GNB4: variants seen among roughly 807,000 people sequenced by gnomAD.
The protein encoded by GNB4 is G protein subunit beta 4.
Under a neutral mutation model 45.2 loss-of-function variants are expected in GNB4, and 28 were observed. That is an observed-to-expected ratio of 0.62 (90% CI 0.46 to 0.85). The LOEUF (loss-of-function observed/expected upper bound fraction) is 0.85. Ranked by LOEUF, GNB4 falls within the 40% of genes least tolerant of loss-of-function variation. The pLI is 0.00. For synonymous variants in GNB4, 132 were observed against 143.7 expected (o/e 0.92, Z 0.58); for missense variants, 321 against 425.4 (o/e 0.75, Z 2.16).
chr3:179,426,630 C>T (rs1263385012), intron 1 of GNB4, among the ~76,000 whole-genome samples: 2 of 152,102 alleles, frequency 1.3e-5, no homozygotes, highest in Non-Finnish European at 2.9e-5. Context: ...CCCAAGCCTT[C>T]CCCATCTCAG....
chr3:179,472,028 A>G, the GNB4 span, among the ~76,000 whole-genome samples: 2 of 152,180 alleles, frequency 1.3e-5, no homozygotes, highest in East Asian at 3.8e-4. Context: ...TAATTAAATT[A>G]TGATATAGCC....
the GNB4 span, among the ~76,000 whole-genome samples, chr3:179,485,095 C>G: frequency 1.3e-5 from 2 of 148,892 alleles, no homozygotes; most frequent in Non-Finnish European, 3.0e-5. Flanking sequence ...ACTGCAAGCT[C>G]CGCCTCCCAG....
intron 1 of GNB4, among the ~76,000 whole-genome samples, chr3:179,443,956 G>A (rs11715227): frequency 0.19 from 29,293 of 152,014 alleles, 3,443 homozygotes; most frequent in East Asian, 0.36. Flanking sequence ...ATTTAGTTTT[G>A]TTCTACTGCT....
chr3:179,460,359 A>G, the GNB4 span, among the ~76,000 whole-genome samples: 1 of 152,244 alleles, frequency 6.6e-6, no homozygotes, highest in East Asian at 1.9e-4. Context: ...GATTTCAACT[A>G]ACATTTACAT....
At chr3:179,409,904 T>A (rs1037117100) in intron 8 of GNB4, among the ~76,000 whole-genome samples, 4 of 151,268 alleles carry the variant, frequency 2.6e-5, no homozygotes, top group African/African-American at 9.7e-5. Context: ...CCCACCCAAA[T>A]CTCATCTTGC....
chr3:179,459,395 C>A, the GNB4 span, among the ~76,000 whole-genome samples: 2 of 152,206 alleles, frequency 1.3e-5, no homozygotes, highest in East Asian at 3.9e-4. Context: ...TAGAAGCCTA[C>A]CTTCCGGCCG....
chr3:179,405,456 T>C, intron 8 of GNB4, 50 bp from the exon 9 acceptor site: 1 of 1,273,718 alleles, frequency 7.9e-7, no homozygotes. Flanking sequence ...TGCACAATCA[T>C]AGGAGGCAAT....
rs1427880457 is a variant in GNB4, at chr3:179,407,808, TG to T, written c.700-2403del. Among the ~76,000 whole-genome samples the T allele has an allele frequency of 3.9e-5, 6 of 152,254 alleles. No homozygotes were observed. The East Asian group carries it at 1.2e-3, about 29-fold the overall frequency. On this transcript the variant is annotated intron_variant, in intron 8 of 9. Coordinates refer to ENST00000232564, the MANE Select transcript of GNB4 (RefSeq NM_021629.4). ...CAAAAAGATTACAGGAAACAAACCC[TG>T]GTGTGTACATAGGACAAAAATAATG...
intron 1 of GNB4, among the ~76,000 whole-genome samples, chr3:179,441,400 T>C (rs367785027): frequency 3.9e-5 from 6 of 152,116 alleles, no homozygotes; most frequent in African/African-American, 1.4e-4. Flanking sequence ...ATGGTAAATA[T>C]TTGTGTATCT....
the GNB4 span, among the ~76,000 whole-genome samples, chr3:179,458,422 G>A: frequency 6.6e-6 from 1 of 152,318 alleles, no homozygotes; most frequent in Non-Finnish European, 1.5e-5. Context: ...CACAGTATTG[G>A]CAGGGTAATG....
chr3:179,425,722 C>T (rs1192773894), intron 2 of GNB4, among the ~76,000 whole-genome samples: 1 of 152,222 alleles, frequency 6.6e-6, no homozygotes, highest in African/African-American at 2.4e-5. Context: ...CCACCTGCCT[C>T]AGCCTCCCAA....
At chr3:179,474,689 C>T in the GNB4 span, among the ~76,000 whole-genome samples, 1 of 143,810 alleles carries the variant, frequency 7.0e-6, no homozygotes, top group Non-Finnish European at 1.5e-5. Flanking sequence ...TTGCCCACAG[C>T]TGTCTTAGTC....
chr3:179,491,822 C>T, the GNB4 span, among the ~76,000 whole-genome samples: 1 of 152,184 alleles, frequency 6.6e-6, no homozygotes, highest in East Asian at 1.9e-4. Context: ...CCATTCCTAA[C>T]TTTAAGAGAA....
chr3:179,434,927 A>C (rs1361484621), intron 1 of GNB4, among the ~76,000 whole-genome samples: 1 of 152,098 alleles, frequency 6.6e-6, no homozygotes, highest in African/African-American at 2.4e-5. Flanking sequence ...AAAATAAATA[A>C]ATAAAATAAG....
At chr3:179,429,084 C>A (rs1715229927) in intron 1 of GNB4, among the ~76,000 whole-genome samples, 1 of 152,244 alleles carries the variant, frequency 6.6e-6, no homozygotes, top group Non-Finnish European at 1.5e-5. Context: ...GCCCTTCCTG[C>A]ACATTCTGGC....
chr3:179,396,912 T>C lies in GNB4; in HGVS notation c.*4301A>G, dbSNP rs1257997853. On this transcript the variant is annotated 3_prime_UTR_variant, in exon 10 of 10. Coordinates refer to ENST00000232564, the MANE Select transcript of GNB4 (RefSeq NM_021629.4). ...TAGTAAATCTGAAATGTACTTCACA[T>C]TCTACTTAATCTAATTTAAAATATA... The C allele has an allele frequency of 6.6e-6, 1 of 152,186 alleles. No homozygotes were observed. Among genetic ancestry groups the C allele is most frequent in the Admixed American group, 6.5e-5 (1 of 15,268 alleles). The allele number at this position is 152,186 out of a possible 1,614,324, so 9.4% of individuals were successfully genotyped here.
At chr3:179,487,316 ATCT>A in the GNB4 span, among the ~76,000 whole-genome samples, 2 of 152,208 alleles carry the variant, frequency 1.3e-5, no homozygotes, top group Non-Finnish European at 1.5e-5. Flanking sequence ...TGTTAGAGAA[ATCT>A]TCTTCAAGTG....
intron 1 of GNB4, among the ~76,000 whole-genome samples, chr3:179,435,881 C>A (rs1715433560): frequency 6.6e-6 from 1 of 152,196 alleles, no homozygotes; most frequent in Non-Finnish European, 1.5e-5. Context: ...AATACACTTG[C>A]ATAATTCGAA....
the GNB4 span, among the ~76,000 whole-genome samples, chr3:179,492,897 G>C: frequency 6.6e-6 from 1 of 152,094 alleles, no homozygotes; most frequent in Non-Finnish European, 1.5e-5. Context: ...CCACAGCTGG[G>C]GCTACTGTCA....
Sources: allele counts gnomAD v4.1 joint callset (sites outside exome capture counted in the v4.1 genomes callset), GRCh38; gene constraint gnomAD v4.1.1; transcripts MANE v1.5; gene names NCBI Gene and HGNC (gene_info 2026-07-23, HGNC 2026-07-21).